IGSF21: variants seen among roughly 807,000 people sequenced by gnomAD.
IGSF21 encodes immunoglobulin superfamily member 21.
In IGSF21, 28 loss-of-function variants were observed where a neutral mutation model predicts 46.8. That is an observed-to-expected ratio of 0.60 (90% CI 0.44 to 0.82). IGSF21 has a LOEUF of 0.82. IGSF21 is among the 40% of genes least tolerant of loss of function. The pLI, the probability that IGSF21 is intolerant of heterozygous loss-of-function variation, is 0.00. For synonymous variants in IGSF21, 284 were observed against 273.6 expected (o/e 1.04, Z -0.38); for missense variants, 624 against 665.5 (o/e 0.94, Z 0.69).
chr1:18,162,987 A>C (rs2086641503), intron 1 of IGSF21, among the ~76,000 whole-genome samples: 1 of 152,122 alleles, frequency 6.6e-6, no homozygotes, highest in African/African-American at 2.4e-5. Flanking sequence ...TGGGGGTGGT[A>C]GACGGAGGGT....
chr1:18,347,916 A>G (rs1298859429), intron 4 of IGSF21, among the ~76,000 whole-genome samples: 1 of 152,320 alleles, frequency 6.6e-6, no homozygotes, highest in East Asian at 1.9e-4. Flanking sequence ...TGGGGGGAGC[A>G]CTGAGAGAGT....
At chr1:18,329,749 C>T (rs530976895) in intron 3 of IGSF21, among the ~76,000 whole-genome samples, 4 of 152,150 alleles carry the variant, frequency 2.6e-5, no homozygotes, top group African/African-American at 4.8e-5. Context: ...CTCTAGCATC[C>T]GTGTACCCAC....
intron 3 of IGSF21, among the ~76,000 whole-genome samples, chr1:18,326,332 A>G (rs990567165): frequency 3.9e-5 from 6 of 152,156 alleles, no homozygotes; most frequent in Non-Finnish European, 8.8e-5. Flanking sequence ...GTAAAACTTC[A>G]TTACTTCATG....
intron 3 of IGSF21, among the ~76,000 whole-genome samples, chr1:18,331,000 G>GT (rs2085707109): frequency 3.3e-5 from 5 of 152,058 alleles, no homozygotes. Flanking sequence ...CATTTACTAG[G>GT]TTTTGGCACA....
intron 1 of IGSF21, among the ~76,000 whole-genome samples, chr1:18,196,193 A>T (rs1358149951): frequency 6.6e-6 from 1 of 152,196 alleles, no homozygotes; most frequent in Non-Finnish European, 1.5e-5. Context: ...TCTCTGTCAG[A>T]TATCCAGAGG....
Position 18,127,628 on chromosome 1 carries a change from C to T in IGSF21, c.70+19430C>T, listed in dbSNP as rs184674807. 6.0e-3 allele frequency among the ~76,000 whole-genome samples: 909 copies of T among 152,246 alleles called. 32 individuals are homozygous for T. Among genetic ancestry groups the T allele is most frequent in the Admixed American group, 0.053 (804 of 15,282 alleles). ...ATCTGCAAAATGGGGGTTGGCTGGG[C>T]ACTGTGGCTCTTGCCCATAATCCCA... On this transcript the variant is annotated intron_variant, in intron 1 of 9. Coordinates refer to ENST00000251296, the MANE Select transcript of IGSF21 (RefSeq NM_032880.5).
At chr1:18,194,610 T>C (rs2086990381) in intron 1 of IGSF21, among the ~76,000 whole-genome samples, 1 of 152,232 alleles carries the variant, frequency 6.6e-6, no homozygotes, top group Non-Finnish European at 1.5e-5. Context: ...GTCCCTTCTC[T>C]TCTTATTAAG....
chr1:18,150,047 A>T (rs2086507660), intron 1 of IGSF21, among the ~76,000 whole-genome samples: 1 of 152,038 alleles, frequency 6.6e-6, no homozygotes. Context: ...TGAGCCTAGG[A>T]GTTTGAGGCC....
intron 2 of IGSF21, among the ~76,000 whole-genome samples, chr1:18,246,172 G>A (rs1486063207): frequency 6.6e-6 from 1 of 152,140 alleles, no homozygotes; most frequent in East Asian, 1.9e-4. Context: ...TGGCATGGCA[G>A]CATGCTGCCA....
chr1:18,223,207 T>C (rs114589053), intron 1 of IGSF21, among the ~76,000 whole-genome samples: 2,119 of 152,294 alleles, frequency 0.014, 53 homozygotes, highest in African/African-American at 0.048. Context: ...GGTCTCTCTG[T>C]TTATGGTTCC....
At chr1:18,197,718 G>T (rs1430841044) in intron 1 of IGSF21, among the ~76,000 whole-genome samples, 1 of 152,236 alleles carries the variant, frequency 6.6e-6, no homozygotes, top group Admixed American at 6.5e-5. Context: ...GTGACCTTGG[G>T]TATGTGACTT....
At chr1:18,130,908 C>A (rs151078980) in intron 1 of IGSF21, among the ~76,000 whole-genome samples, 1 of 152,318 alleles carries the variant, frequency 6.6e-6, no homozygotes, top group East Asian at 1.9e-4. Context: ...GCTGAGCCAG[C>A]CCTGGAGAAT....
chr1:18,166,588 A>G (rs2086681005), intron 1 of IGSF21, among the ~76,000 whole-genome samples: 1 of 152,194 alleles, frequency 6.6e-6, no homozygotes, highest in South Asian at 2.1e-4. Context: ...GCCCGTCACC[A>G]GGGTTCAGTA....
chr1:18,199,925 G>A (rs954355831), intron 1 of IGSF21, among the ~76,000 whole-genome samples: 1 of 152,036 alleles, frequency 6.6e-6, no homozygotes, highest in African/African-American at 2.4e-5. Context: ...TCCATCCCTA[G>A]GCAATTGCAT....
At chr1:18,363,060 C>G (rs2124631147) in intron 5 of IGSF21, among the ~76,000 whole-genome samples, 1 of 152,278 alleles carries the variant, frequency 6.6e-6, no homozygotes, top group Admixed American at 6.5e-5. Context: ...ATATATATGA[C>G]ATTTAAAAGT....
intron 2 of IGSF21, among the ~76,000 whole-genome samples, chr1:18,257,382 G>A (rs957438746): frequency 6.6e-6 from 1 of 152,110 alleles, no homozygotes. Context: ...AAAGCCCCTT[G>A]TAATGGCAAT....
At position 18,317,805 on chromosome 1, in the gene IGSF21, C is replaced by T. The variant is rs114551412; in HGVS notation, c.306-17087C>T. On this transcript the variant is annotated intron_variant, in intron 3 of 9. Coordinates refer to ENST00000251296, the MANE Select transcript of IGSF21 (RefSeq NM_032880.5). ...CATGTGCTAACTACGGGGCAGGCAC[C>T]GTCCTAAGTGCCTTCTGTGTATTAT... is the stretch of plus-strand genomic sequence containing the variant. Among the ~76,000 whole-genome samples, 252 of 152,300 alleles carry T rather than the reference C, an allele frequency of 1.7e-3. 1 individual carries two copies. Among genetic ancestry groups the T allele is most frequent in the African/African-American group, 5.7e-3 (238 of 41,560 alleles).
intron 3 of IGSF21, among the ~76,000 whole-genome samples, chr1:18,315,218 G>A (rs911809373): frequency 1.3e-5 from 2 of 152,114 alleles, no homozygotes; most frequent in Non-Finnish European, 2.9e-5. Context: ...ATGCAACAGC[G>A]AGCTGAGAGT....
intron 4 of IGSF21, among the ~76,000 whole-genome samples, chr1:18,340,982 C>T (rs1363864243): frequency 3.1e-5 from 4 of 130,800 alleles, no homozygotes; most frequent in African/African-American, 1.2e-4. Flanking sequence ...CCTTCTTCTT[C>T]TCCTTCTTCT....
Sources: allele counts gnomAD v4.1 joint callset (sites outside exome capture counted in the v4.1 genomes callset), GRCh38; gene constraint gnomAD v4.1.1; transcripts MANE v1.5; gene names NCBI Gene and HGNC (gene_info 2026-07-23, HGNC 2026-07-21).